PDS5B: variants seen among roughly 807,000 people sequenced by gnomAD.
PDS5B encodes the protein PDS5 cohesin associated factor B, also known as sister chromatid cohesion protein PDS5 homolog B.
In PDS5B, 51 loss-of-function variants were observed where a neutral mutation model predicts 184.1. The observed-to-expected ratio is 0.28, with a 90% CI of 0.22 to 0.35. The LOEUF (loss-of-function observed/expected upper bound fraction) is 0.35. Ranked by LOEUF, PDS5B falls within the 10% of genes least tolerant of loss-of-function variation. PDS5B has a pLI of 1.00. For missense variants in PDS5B, 1,180 were observed against 1,723.3 expected (o/e 0.68, Z 5.58); for synonymous variants, 566 against 569.2 (o/e 0.99, Z 0.08).
At chr13:32,595,134 C>G (rs1451318510) in intron 1 of PDS5B, among the ~76,000 whole-genome samples, 2 of 151,874 alleles carry the variant, frequency 1.3e-5, no homozygotes, top group Non-Finnish European at 2.9e-5. Flanking sequence ...AACATCTTTC[C>G]AACTTGTACC....
chr13:32,742,447 G>T, intron 22 of PDS5B, 144 bp from the exon 23 acceptor site: 22 of 591,114 alleles, frequency 3.7e-5, no homozygotes, highest in Non-Finnish European at 5.2e-5. Flanking sequence ...TAAAACATTC[G>T]AGATTATCTT....
chr13:32,709,933 A>G lies in PDS5B; in HGVS notation c.1963-13A>G. The G allele has an allele frequency of 1.5e-6, 2 of 1,330,184 alleles. No individual in the cohort carries two copies. Among genetic ancestry groups the G allele is most frequent in the Non-Finnish European group, 2.0e-6 (2 of 1,015,226 alleles). 82.4% of individuals were successfully genotyped at this position (1,330,184 alleles called of 1,614,324 possible). On this transcript the variant is annotated splice_polypyrimidine_tract_variant and intron_variant, in intron 18 of 34. Transcript: ENST00000315596. ...AAAAGTTTTACAAATCATTTTTATG[A>G]TTCATTTTATAGGTACTCTCATTTA...
chr13:32,701,875 A>G (rs545350886), intron 17 of PDS5B, among the ~76,000 whole-genome samples: 30 of 152,136 alleles, frequency 2.0e-4, no homozygotes, highest in Non-Finnish European at 4.1e-4. Flanking sequence ...TTTCACAGAT[A>G]ATTTGAGAAC....
At chr13:32,638,491 A>G (rs535285556) in intron 1 of PDS5B, among the ~76,000 whole-genome samples, 2 of 152,290 alleles carry the variant, frequency 1.3e-5, no homozygotes, top group African/African-American at 4.8e-5. Context: ...AGTAGATAGT[A>G]TAGATTACTC....
At chr13:32,601,550 A>G (rs2057974882) in intron 1 of PDS5B, among the ~76,000 whole-genome samples, 1 of 152,212 alleles carries the variant, frequency 6.6e-6, no homozygotes, top group Admixed American at 6.5e-5. Flanking sequence ...AGTGGGACAC[A>G]TGGTACCAGG....
chr13:32,621,868 TGAGCCCCAA>T (rs1196705001), intron 1 of PDS5B, among the ~76,000 whole-genome samples: 1 of 152,226 alleles, frequency 6.6e-6, no homozygotes, highest in African/African-American at 2.4e-5. Flanking sequence ...ACAGAAGGTA[TGAGCCCCAA>T]GCCAAAAACA....
rs1308139664 is a variant in PDS5B at position 32,729,031 on chromosome 13, A to G, written c.2124-3070A>G. ...GCCATGATGGTTTACTGCACCCATCAACCTGTCATCTAGGTTTTAAGCCCT... is the reference window on the plus strand; with the variant it reads ...GCCATGATGGTTTACTGCACCCATCGACCTGTCATCTAGGTTTTAAGCCCT... On this transcript the variant is annotated intron_variant, in intron 19 of 34. Coordinates refer to ENST00000315596, the MANE Select transcript of PDS5B (RefSeq NM_015032.4). 2.0e-5 allele frequency among the ~76,000 whole-genome samples: 3 copies of G among 152,280 alleles called. No homozygotes were observed. In the East Asian group the frequency reaches 5.8e-4, roughly 29 times the overall value.
intron 33 of PDS5B, among the ~76,000 whole-genome samples, chr13:32,772,631 AT>A (rs1241232137): frequency 2.0e-5 from 3 of 152,190 alleles, no homozygotes; most frequent in African/African-American, 7.2e-5. Context: ...GGCAAGGACC[AT>A]CTACTGTTCC....
In PDS5B at chr13:32,758,180, A is replaced by G. The variant is rs1303541846; in HGVS notation, c.3150A>G (p.Thr1050=). The G allele has an allele frequency of 1.9e-6, 3 of 1,544,862 alleles. No homozygotes were observed. Among genetic ancestry groups the G allele is most frequent in the Non-Finnish European group, 2.6e-6 (3 of 1,132,608 alleles). The change falls in exon 27 of 35, where the codon ACA becomes ACG. Residue 1050 remains threonine (T), a synonymous_variant. Coordinates refer to ENST00000315596, the MANE Select transcript of PDS5B (RefSeq NM_015032.4). ...AGATGGTAGAAAATATTAAACAAAC[A>G]AAAGATGCCCAAGGACCAGATGATG... The part of the protein sequence containing the change: ...IRKMVENIKQ[T]KDAQGPDDAK...
At chr13:32,710,212 A>G in intron 19 of PDS5B, 106 bp downstream of exon 19, 1 of 730,602 alleles carries the variant, frequency 1.4e-6, no homozygotes, top group Non-Finnish European at 2.0e-6. Flanking sequence ...AAAACTGTCT[A>G]GGTTATCTTA....
In PDS5B at chr13:32,763,748, A is replaced by G. The variant is rs979699739; in HGVS notation, c.3519-741A>G. Among the ~76,000 whole-genome samples, 3 of 152,144 alleles carry G rather than the reference A, an allele frequency of 2.0e-5. No homozygotes were observed. The East Asian group carries it at 5.8e-4, about 29-fold the overall frequency. On this transcript the variant is annotated intron_variant, in intron 30 of 34. Transcript: ENST00000315596. ...TGTTTGTATGTATGTGTTTTGGGGA[A>G]GTGGAAATAAGAAGAGTGTTCAAAT...
At chr13:32,635,765 ATT>A (rs34580707) in intron 1 of PDS5B, among the ~76,000 whole-genome samples, 7,747 of 108,620 alleles carry the variant, frequency 0.071, 508 homozygotes, top group African/African-American at 0.22. Flanking sequence ...TAGTATTCTG[ATT>A]TTTTTTTTTT....
At chr13:32,600,402 T>G (rs568177509) in intron 1 of PDS5B, among the ~76,000 whole-genome samples, 1 of 152,272 alleles carries the variant, frequency 6.6e-6, no homozygotes, top group South Asian at 2.1e-4. Context: ...TATATTGAAT[T>G]TTTGGAACCT....
intron 1 of PDS5B, among the ~76,000 whole-genome samples, chr13:32,623,625 C>G (rs1481914681): frequency 6.6e-6 from 1 of 152,054 alleles, no homozygotes; most frequent in African/African-American, 2.4e-5. Flanking sequence ...TATAATTTCG[C>G]AAGGCAGGTT....
At chr13:32,709,572 G>A (rs915030258) in intron 18 of PDS5B, among the ~76,000 whole-genome samples, 23 of 151,870 alleles carry the variant, frequency 1.5e-4, no homozygotes, top group African/African-American at 3.4e-4. Context: ...TTCAGTCTCT[G>A]CTAATGATGT....
At chr13:32,678,600 A>G (rs1405532410) in intron 9 of PDS5B, among the ~76,000 whole-genome samples, 2 of 152,186 alleles carry the variant, frequency 1.3e-5, no homozygotes, top group African/African-American at 2.4e-5. Context: ...TGGTTTATTC[A>G]GGTTCCTTAA....
chr13:32,634,923 T>A (rs2058516511), intron 1 of PDS5B, among the ~76,000 whole-genome samples: 1 of 151,930 alleles, frequency 6.6e-6, no homozygotes, highest in Admixed American at 6.6e-5. Context: ...TTTTCAAAAA[T>A]GGCTGCAGCA....
chr13:32,765,726 C>G (rs1954563365), intron 31 of PDS5B, among the ~76,000 whole-genome samples: 2 of 152,194 alleles, frequency 1.3e-5, no homozygotes, highest in South Asian at 4.1e-4. Context: ...GCATCACCCT[C>G]CTGGGTAACT....
At chr13:32,691,150 G>T (rs1951537305) in intron 13 of PDS5B, 1 of 151,460 alleles carries the variant, frequency 6.6e-6, no homozygotes, top group East Asian at 1.9e-4. Flanking sequence ...CTTGTTTCTT[G>T]TTTCCTTTAA....
Sources: allele counts gnomAD v4.1 joint callset (sites outside exome capture counted in the v4.1 genomes callset), GRCh38; gene constraint gnomAD v4.1.1; transcripts MANE v1.5; gene names NCBI Gene and HGNC (gene_info 2026-07-23, HGNC 2026-07-21).